The following PPP2R5C variants were observed in gnomAD, a reference collection of about 807,000 sequenced individuals.
PPP2R5C encodes serine/threonine-protein phosphatase 2A 56 kDa regulatory subunit gamma isoform.
In PPP2R5C, 7 loss-of-function variants were observed where a neutral mutation model predicts 68.9. The ratio of observed to expected loss-of-function variants is 0.10; its 90% CI spans 0.06 to 0.19. The LOEUF is 0.19. Among genes scored for constraint, PPP2R5C ranks in the 10% least tolerant of loss-of-function variants. The pLI, the probability that PPP2R5C is intolerant of heterozygous loss-of-function variation, is 1.00. For missense variants in PPP2R5C, 348 were observed against 641.3 expected, an observed-to-expected ratio of 0.54 and a Z score of 4.94; for synonymous variants, 210 against 222.2, an observed-to-expected ratio of 0.95 and a Z score of 0.49.
chr14:101,923,346 A>G (rs1054779653), intron 13 of PPP2R5C, among the ~76,000 whole-genome samples: 9 of 152,160 alleles, frequency 5.9e-5, no homozygotes, highest in Non-Finnish European at 1.3e-4. Context: ...GCCTTTTTCT[A>G]TGAATATGTT....
chr14:101,808,995 GAT>G (rs2039195759), upstream of PPP2R5C, among the ~76,000 whole-genome samples: 1 of 152,088 alleles, frequency 6.6e-6, no homozygotes, highest in African/African-American at 2.4e-5. Flanking sequence ...AGAAAATTTA[GAT>G]CTGAATAGCA....
At chr14:101,895,143 A>G (rs2045229634) in intron 8 of PPP2R5C, among the ~76,000 whole-genome samples, 1 of 152,184 alleles carries the variant, frequency 6.6e-6, no homozygotes. Context: ...AAAATAGGCT[A>G]TCATAGCCAG....
chr14:101,814,041 A>G (rs983042675), intron 1 of PPP2R5C, among the ~76,000 whole-genome samples: 1 of 152,226 alleles, frequency 6.6e-6, no homozygotes, highest in Non-Finnish European at 1.5e-5. Flanking sequence ...AATAATAACA[A>G]TAGCTATACA....
chr14:101,896,461 C>T (rs184924554), intron 8 of PPP2R5C, among the ~76,000 whole-genome samples: 10 of 151,768 alleles, frequency 6.6e-5, no homozygotes, highest in East Asian at 5.9e-4. Flanking sequence ...TGGCCGGGCG[C>T]GGTGGCTCAC....
At position 101,864,291 on chromosome 14, in the gene PPP2R5C, C is replaced by T. The variant is rs545720858; in HGVS notation, c.294+7406C>T. 1.1e-4 allele frequency among the ~76,000 whole-genome samples: 16 copies of T among 152,292 alleles called. No homozygotes were observed. The South Asian group carries it at 2.1e-3, about 20-fold the overall frequency. The stretch of plus-strand genomic sequence containing the variant: ...TGAGTCGGATGACTCAGAAGTACTT[C>T]GCATTAGAGTGGACCTCTCCAGAAA... On this transcript the variant is annotated intron_variant, in intron 2 of 13. Coordinates refer to ENST00000334743, the Ensembl canonical transcript of PPP2R5C.
intron 2 of PPP2R5C, among the ~76,000 whole-genome samples, chr14:101,867,495 C>T (rs1180032386): frequency 2.6e-5 from 4 of 151,726 alleles, no homozygotes; most frequent in South Asian, 2.1e-4. Flanking sequence ...TAAAAACAAG[C>T]GGCCAGGCGC....
upstream of PPP2R5C, among the ~76,000 whole-genome samples, chr14:101,808,815 C>T (rs372127325): frequency 3.3e-5 from 5 of 152,086 alleles, no homozygotes; most frequent in East Asian, 1.9e-4. Flanking sequence ...TTCCACCTGC[C>T]GAAGAGGCTT....
chr14:101,847,865 G>A (rs1232548732), intron 1 of PPP2R5C, among the ~76,000 whole-genome samples: 4 of 152,066 alleles, frequency 2.6e-5, no homozygotes, highest in Non-Finnish European at 4.4e-5. Context: ...GTTTCACCAT[G>A]TTGGCCAGGA....
In PPP2R5C at chr14:101,899,133, C is replaced by A. The variant is rs991307572; in HGVS notation, c.853-2586C>A. Reference sequence around the variant, plus strand: ...GCTAATTGTGTACAGTGCTCAAAAGCTTTCTGGGCACATGAAACACTTTCT... The same window carrying A: ...GCTAATTGTGTACAGTGCTCAAAAGATTTCTGGGCACATGAAACACTTTCT... On this transcript the variant is annotated intron_variant, in intron 8 of 13. Transcript: ENST00000334743. This position sits in a 1 kb window ranked among gnomAD's most constrained non-coding sequence, Gnocchi z 4.2. 2.6e-5 allele frequency among the ~76,000 whole-genome samples: 4 copies of A among 152,224 alleles called. No homozygotes were observed. Among genetic ancestry groups the A allele is most frequent in the African/African-American group, 9.6e-5 (4 of 41,458 alleles).
At chr14:101,787,388 G>A (rs2038143170) in intron 3 of PPP2R5C, among the ~76,000 whole-genome samples, 1 of 152,132 alleles carries the variant, frequency 6.6e-6, no homozygotes, top group Non-Finnish European at 1.5e-5. Flanking sequence ...AGGGAGGCTG[G>A]GTGGATGGTG....
chr14:101,824,051 C>T (rs1213194140), intron 1 of PPP2R5C: 1 of 1,289,182 alleles, frequency 7.8e-7, no homozygotes, highest in Non-Finnish European at 1.0e-6. Context: ...AGCCCCAGAG[C>T]TCCTGTTGAA....
chr14:101,871,687 C>CTCTT (rs34223614), intron 2 of PPP2R5C, among the ~76,000 whole-genome samples: 32,650 of 151,732 alleles, frequency 0.22, 5,174 homozygotes, highest in African/African-American at 0.45. Flanking sequence ...TTTATCGTTT[C>CTCTT]TCTTCTTTGT....
upstream of PPP2R5C, chr14:101,809,729 A>C (rs1057348914): frequency 3.7e-5 from 39 of 1,041,884 alleles, no homozygotes; most frequent in Non-Finnish European, 4.8e-5. Context: ...GCACACTGAC[A>C]GCCAAACAGA....
intron 2 of PPP2R5C, among the ~76,000 whole-genome samples, chr14:101,780,524 C>T (rs2037623417): frequency 6.6e-6 from 1 of 152,176 alleles, no homozygotes; most frequent in African/African-American, 2.4e-5. Context: ...AGCAGAGGCT[C>T]ACCTGGGCTG....
chr14:101,764,495 C>T (rs1249108197), intron 2 of PPP2R5C, among the ~76,000 whole-genome samples: 2 of 152,110 alleles, frequency 1.3e-5, no homozygotes, highest in Admixed American at 6.5e-5. Flanking sequence ...TTTTTTTTAG[C>T]CCTGCATTCT....
intron 1 of PPP2R5C, among the ~76,000 whole-genome samples, chr14:101,762,621 G>C (rs139782525): frequency 6.6e-6 from 1 of 152,066 alleles, no homozygotes; most frequent in Non-Finnish European, 1.5e-5. Flanking sequence ...ATGTGATGTG[G>C]ATCTCAAAAT....
intron 3 of PPP2R5C, among the ~76,000 whole-genome samples, chr14:101,804,380 AAAGAAAGAAAATGAGTAT>A (rs2038992173): frequency 6.6e-6 from 1 of 152,230 alleles, no homozygotes; most frequent in Non-Finnish European, 1.5e-5. Flanking sequence ...TACATACCAC[AAAGAAAGAAAATGAGTAT>A]ATCAAAGAGA....
intron 1 of PPP2R5C, among the ~76,000 whole-genome samples, chr14:101,821,452 GGTGTGTGTGTGTGTGTGTGT>G (rs71116851): frequency 1.8e-4 from 22 of 121,442 alleles, no homozygotes; most frequent in African/African-American, 5.8e-4. Flanking sequence ...TGGGTGGGTG[GGTGTGTGTGTGTGTGTGTGT>G]GTGTGTGTGT....
chr14:101,856,024 G>A (rs1348086523), intron 1 of PPP2R5C, among the ~76,000 whole-genome samples: 1 of 152,230 alleles, frequency 6.6e-6, no homozygotes, highest in African/African-American at 2.4e-5. Flanking sequence ...TGTGTGATAA[G>A]CCTTGACTGT....
Sources: allele counts gnomAD v4.1 joint callset (sites outside exome capture counted in the v4.1 genomes callset), GRCh38; gene constraint gnomAD v4.1.1; non-coding constraint Gnocchi (gnomAD v3.1); transcripts MANE v1.5; gene names NCBI Gene and HGNC (gene_info 2026-07-23, HGNC 2026-07-21).